AK8: variants seen among roughly 807,000 people sequenced by gnomAD.
AK8 encodes the protein ATP-AMP transphosphorylase 8.
In AK8, 44 loss-of-function variants were observed where a neutral mutation model predicts 54.6. That is an observed-to-expected ratio of 0.81 (90% CI 0.63 to 1.04). AK8 has a LOEUF of 1.04. Among genes scored for constraint, AK8 ranks in the 50% least tolerant of loss-of-function variants. The pLI, the probability that AK8 is intolerant of heterozygous loss-of-function variation, is 0.00. For synonymous variants in AK8, 239 were observed against 245.6 expected, an observed-to-expected ratio of 0.97 and a Z score of 0.25; for missense variants, 555 against 613.6, an observed-to-expected ratio of 0.90 and a Z score of 1.01.
intron 4 of AK8, among the ~76,000 whole-genome samples, chr9:132,859,655 C>T (rs1033831585): frequency 4.0e-5 from 6 of 151,680 alleles, no homozygotes; most frequent in Admixed American, 6.6e-5. Context: ...CCCGTCTCCT[C>T]CCCCTCCTCG....
intron 11 of AK8, among the ~76,000 whole-genome samples, chr9:132,737,996 T>C (rs2130962675): frequency 6.6e-6 from 1 of 152,192 alleles, no homozygotes; most frequent in South Asian, 2.1e-4. Context: ...GAGTCCTTCA[T>C]TCCTGGCATG....
intron 2 of AK8, among the ~76,000 whole-genome samples, chr9:132,868,944 C>T (rs1328961912): frequency 6.6e-6 from 1 of 152,032 alleles, no homozygotes; most frequent in African/African-American, 2.4e-5. Flanking sequence ...TTTGGGAGGC[C>T]GAGATGGGCG....
chr9:132,851,281 G>A (rs1054142662), intron 5 of AK8, among the ~76,000 whole-genome samples: 1 of 152,238 alleles, frequency 6.6e-6, no homozygotes, highest in Non-Finnish European at 1.5e-5. Flanking sequence ...GCAGGTGCCT[G>A]AAACACTGAA....
At chr9:132,771,056 C>T (rs1052696075) in intron 11 of AK8, among the ~76,000 whole-genome samples, 3 of 152,172 alleles carry the variant, frequency 2.0e-5, no homozygotes, top group East Asian at 1.9e-4. Context: ...GAAGACTCTG[C>T]GCTCAGCGGC....
intron 11 of AK8, among the ~76,000 whole-genome samples, chr9:132,758,854 A>G (rs904761733): frequency 6.6e-6 from 1 of 152,084 alleles, no homozygotes; most frequent in Non-Finnish European, 1.5e-5. Flanking sequence ...ATAAAACAAA[A>G]CAGCCTTACT....
chr9:132,748,658 G>A (rs527645046), intron 11 of AK8, among the ~76,000 whole-genome samples: 9 of 151,834 alleles, frequency 5.9e-5, no homozygotes, highest in Non-Finnish European at 1.3e-4. Flanking sequence ...CTTTTACCAC[G>A]TGTGTTTAGA....
At position 132,785,061 on chromosome 9, in the gene AK8, T is replaced by C. The variant is rs530958607; in HGVS notation, c.1121+7573A>G. On this transcript the variant is annotated intron_variant, in intron 11 of 12. Transcript: ENST00000298545. ...TCCCTGGCTCCCCCAAAATGGAGAA[T>C]GGCTGGAGAAGGGGGATGAGGAGGC... Among the ~76,000 whole-genome samples, 24 of 151,448 alleles carry C rather than the reference T, an allele frequency of 1.6e-4. No homozygotes were observed. In the South Asian group the frequency reaches 4.8e-3, roughly 30 times the overall value.
rs1036025025 is a variant in AK8 at position 132,802,133 on chromosome 9, C to A, written c.980-9358G>T. The stretch of plus-strand genomic sequence containing the variant: ...CAAAGCCACGGAGGTATTGGTAGGC[C>A]CCTGTGTGGCACCCGATGTCGCCTG... On this transcript the variant is annotated intron_variant, in intron 10 of 12. Coordinates refer to ENST00000298545, the MANE Select transcript of AK8 (RefSeq NM_152572.3). Among the ~76,000 whole-genome samples, 2 of 152,198 alleles carry A rather than the reference C, an allele frequency of 1.3e-5. 1 individual carries two copies. The highest frequency in any genetic ancestry group is 2.9e-5 in the Non-Finnish European group (2 of 68,028).
At chr9:132,827,084 T>C (rs1159995276) in intron 7 of AK8, 30 bp from the exon 8 acceptor site, 4 of 1,609,664 alleles carry the variant, frequency 2.5e-6, no homozygotes, top group Non-Finnish European at 2.6e-6. Context: ...CAGTTAGAAA[T>C]GGCCATGCAG....
chr9:132,771,701 T>C (rs758473552), intron 11 of AK8, among the ~76,000 whole-genome samples: 1 of 152,140 alleles, frequency 6.6e-6, no homozygotes, highest in Non-Finnish European at 1.5e-5. Flanking sequence ...TGTGGCTCCA[T>C]TATGAATGGC....
intron 11 of AK8, among the ~76,000 whole-genome samples, chr9:132,741,106 G>A (rs527439109): frequency 9.9e-5 from 15 of 152,270 alleles, no homozygotes; most frequent in South Asian, 2.1e-4. Flanking sequence ...AATCACCCAC[G>A]GCAAGCCCAG....
intron 11 of AK8, among the ~76,000 whole-genome samples, chr9:132,777,624 T>C (rs978587176): frequency 2.6e-5 from 4 of 152,030 alleles, no homozygotes; most frequent in African/African-American, 9.7e-5. Context: ...GCCCAGCAAA[T>C]GGTGGGCGGG....
At chr9:132,846,687 C>T (rs74514302) in intron 5 of AK8, among the ~76,000 whole-genome samples, 1,855 of 152,262 alleles carry the variant, frequency 0.012, 19 homozygotes, top group South Asian at 0.04. Context: ...GCACAAAACA[C>T]GACAGGGAGT....
rs1221585475 is a variant in AK8 at position 132,845,606 on chromosome 9, C to T, written c.402+9251G>A. 2.6e-5 allele frequency among the ~76,000 whole-genome samples: 4 copies of T among 152,050 alleles called. No homozygotes were observed. The East Asian group carries it at 7.7e-4, about 29-fold the overall frequency. On this transcript the variant is annotated intron_variant, in intron 5 of 12. Transcript: ENST00000298545. ...AGGAGTTTGAGACCAGCCTGGCCCA[C>T]ATGGTCTCTACTAAAAATATAAAAA...
intron 11 of AK8, among the ~76,000 whole-genome samples, chr9:132,784,106 G>A (rs1164751075): frequency 6.6e-6 from 1 of 152,196 alleles, no homozygotes. Flanking sequence ...GTAATAAGGA[G>A]AACCAAGACT....
intron 6 of AK8, 140 bp from the exon 7 acceptor site, chr9:132,828,224 C>T (rs561060203): frequency 6.9e-6 from 5 of 725,786 alleles, no homozygotes; most frequent in South Asian, 3.7e-5. Flanking sequence ...CTCCCATCCC[C>T]GTGAATTCCT....
chr9:132,729,704 C>G (rs1887960), intron 11 of AK8, among the ~76,000 whole-genome samples: 10,694 of 152,160 alleles, frequency 0.07, 1,234 homozygotes, highest in African/African-American at 0.24. Flanking sequence ...TCCTCCTTGA[C>G]GACATTGACA....
At chr9:132,831,113 T>C (rs1196972415) in intron 5 of AK8, among the ~76,000 whole-genome samples, 1 of 152,246 alleles carries the variant, frequency 6.6e-6, no homozygotes, top group Non-Finnish European at 1.5e-5. Context: ...GCCTGTAGAT[T>C]GTTAAATTCT....
At chr9:132,832,080 A>AG (rs1842127096) in intron 5 of AK8, among the ~76,000 whole-genome samples, 1 of 149,406 alleles carries the variant, frequency 6.7e-6, no homozygotes, top group Non-Finnish European at 1.5e-5. Context: ...AAAAAAAAAA[A>AG]AAAAAAAAAA....
Sources: allele counts gnomAD v4.1 joint callset (sites outside exome capture counted in the v4.1 genomes callset), GRCh38; gene constraint gnomAD v4.1.1; transcripts MANE v1.5; gene names NCBI Gene and HGNC (gene_info 2026-07-23, HGNC 2026-07-21).